ETNK1: variants seen among roughly 807,000 people sequenced by gnomAD.
ETNK1 encodes putative protein product of Nbla10396.
A neutral mutation model predicts 45.1 loss-of-function variants in ETNK1; 8 were observed. The ratio of observed to expected loss-of-function variants is 0.18; its 90% confidence interval spans 0.10 to 0.32. The LOEUF is 0.32. Ranked by LOEUF, ETNK1 falls within the 10% of genes least tolerant of loss-of-function variation. The probability of loss-of-function intolerance (pLI) is 1.00; values close to 1 mark genes in which losing one functional copy is unlikely to be tolerated. For missense variants in ETNK1, 302 were observed against 430.6 expected (o/e 0.70, Z 2.64); for synonymous variants, 152 against 151.9 (o/e 1.00, Z -0.01).
chr12:22,644,382 T>A, intron 2 of ETNK1: 4 of 1,353,350 alleles, frequency 3.0e-6, no homozygotes, highest in Non-Finnish European at 3.8e-6. Context: ...TTCAGAGTTC[T>A]TGCCTATTAA....
Position 22,625,587 on chromosome 12 carries a change from G to C in ETNK1, c.156+1G>C. The C allele has an allele frequency of 6.3e-7, 1 of 1,580,768 alleles. No individual in the cohort carries two copies. The highest frequency in any genetic ancestry group is 8.6e-7 in the Non-Finnish European group (1 of 1,164,206). ...GGACCCCCAGGAGGTGACCCTGCAG[G>C]TAACGCCCACACCTCAGCTCTGGGT... On this transcript the variant is annotated splice_donor_variant, in intron 1 of 7. Coordinates refer to ENST00000266517, the MANE Select transcript of ETNK1 (RefSeq NM_018638.5). LOFTEE classifies it high-confidence loss of function.
At chr12:22,634,546 T>C (rs984677675) in intron 1 of ETNK1, among the ~76,000 whole-genome samples, 4 of 152,172 alleles carry the variant, frequency 2.6e-5, no homozygotes, top group Admixed American at 2.6e-4. Context: ...CTTTATTGTC[T>C]TCATACATTT....
chr12:22,661,089 A>G lies in ETNK1; in HGVS notation c.584A>G (p.Gln195Arg), dbSNP rs75025746. The change falls in exon 4 of 8, where the codon CAG (glutamine) becomes CGG (arginine). Residue 195 changes from glutamine to arginine, a missense_variant. Around this residue, in one of 3 missense-constraint regions of ETNK1, gnomAD observed 205 missense variants for 259.9 expected, o/e 0.79. Coordinates refer to ENST00000266517, the MANE Select transcript of ETNK1 (RefSeq NM_018638.5). ...KRFLSDIPSS[Q>R]ILQEEMTWMK... ...TTCCTAAGTGATATCCCAAGCTCTC[A>G]GATTCTCCAGGAAGAGATGACTTGG... is the stretch of plus-strand genomic sequence containing the variant. 0.02 allele frequency: 32,390 copies of G among 1,611,098 alleles called. 463 individuals carry two copies. The highest frequency in any genetic ancestry group is 0.047 in the South Asian group (4,251 of 90,380).
rs546255244 is a variant in ETNK1 at position 22,625,942 on chromosome 12, T to C, written c.156+356T>C. 55 of 534,864 alleles carry C rather than the reference T, an allele frequency of 1.0e-4. 1 individual carries two copies. Among genetic ancestry groups the C allele is most frequent in the South Asian group, 8.2e-4 (53 of 64,278 alleles). The allele number at this position is 534,864 out of a possible 1,614,324, so 33.1% of individuals were successfully genotyped here. On this transcript the variant is annotated intron_variant, in intron 1 of 7. Coordinates refer to ENST00000266517, the MANE Select transcript of ETNK1 (RefSeq NM_018638.5). ...CCACTCCCCTTGCACGGGGTCCTCG[T>C]CTACCTCCTCCCCTCCCACCAGTAA...
At chr12:22,630,622 A>G (rs865956543) in intron 1 of ETNK1, among the ~76,000 whole-genome samples, 1 of 151,622 alleles carries the variant, frequency 6.6e-6, no homozygotes, top group East Asian at 1.9e-4. Flanking sequence ...ATTTTATTTT[A>G]TTTTTTTTGA....
intron 2 of ETNK1, among the ~76,000 whole-genome samples, chr12:22,654,678 G>A (rs1482172823): frequency 6.6e-6 from 1 of 152,082 alleles, no homozygotes; most frequent in Non-Finnish European, 1.5e-5. Context: ...GGATATCTTA[G>A]TGGTTGTATT....
chr12:22,660,193 A>T (rs1332453921), intron 3 of ETNK1, among the ~76,000 whole-genome samples: 2 of 152,120 alleles, frequency 1.3e-5, no homozygotes, highest in Non-Finnish European at 2.9e-5. Flanking sequence ...AAGTAATGTA[A>T]AAAGAATCTG....
At position 22,678,207 on chromosome 12, in the gene ETNK1, T is replaced by C. The variant is rs563178687; in HGVS notation, c.945+4547T>C. On this transcript the variant is annotated intron_variant, in intron 6 of 7. Transcript: ENST00000266517. ...CATTTGAATGAATCAATAATTGTGA[T>C]TGCAATGTGAAATAAAAGGAAACCC... is the stretch of plus-strand genomic sequence containing the variant. Among the ~76,000 whole-genome samples, 6 of 152,326 alleles carry C rather than the reference T, an allele frequency of 3.9e-5. No homozygotes were observed. In the East Asian group the frequency reaches 1.2e-3, roughly 29 times the overall value.
At chr12:22,633,961 A>G (rs1338985480) in intron 1 of ETNK1, among the ~76,000 whole-genome samples, 1 of 152,066 alleles carries the variant, frequency 6.6e-6, no homozygotes, top group Admixed American at 6.6e-5. Flanking sequence ...TTACTGCACT[A>G]GTAAGGACCT....
At chr12:22,671,521 A>C (rs1355298122) in intron 5 of ETNK1, among the ~76,000 whole-genome samples, 166 bp downstream of exon 5, 2 of 152,048 alleles carry the variant, frequency 1.3e-5, no homozygotes, top group African/African-American at 4.8e-5. Flanking sequence ...AGATGACCAA[A>C]ATTTCTTCCT....
chr12:22,644,715 C>T (rs1402492622), intron 2 of ETNK1: 1 of 152,124 alleles, frequency 6.6e-6, no homozygotes, highest in Non-Finnish European at 1.5e-5. Context: ...TTTTAGAATA[C>T]AAGAATATCA....
In ETNK1 at chr12:22,633,578, C is replaced by T. The variant is rs1953611963; in HGVS notation, c.156+7992C>T. On this transcript the variant is annotated intron_variant, in intron 1 of 7. Coordinates refer to ENST00000266517, the MANE Select transcript of ETNK1 (RefSeq NM_018638.5). The stretch of plus-strand genomic sequence containing the variant: ...GTTGTAGACTCAATTTTGGGATTCC[C>T]ACAAAAGAAACTGGATAGGATTTTG... 2.0e-5 allele frequency among the ~76,000 whole-genome samples: 3 copies of T among 152,150 alleles called. No individual in the cohort carries two copies. The South Asian group carries it at 6.2e-4, about 32-fold the overall frequency.
intron 3 of ETNK1, among the ~76,000 whole-genome samples, chr12:22,659,413 A>G (rs1405315071): frequency 6.6e-6 from 1 of 152,136 alleles, no homozygotes; most frequent in Non-Finnish European, 1.5e-5. Context: ...CCACTTAAAA[A>G]TAAAGAGTTA....
rs1177877597 is a variant in ETNK1, at chr12:22,625,552, G to A, written c.122G>A (p.Arg41Gln). ...EGALSLLQHL[R>Q]PHWDPQEVTL... Reference sequence around the variant, plus strand: ...GCCCTGAGCCTCCTGCAACACCTGCGGCCTCACTGGGACCCCCAGGAGGTG... The same window carrying A: ...GCCCTGAGCCTCCTGCAACACCTGCAGCCTCACTGGGACCCCCAGGAGGTG... The change falls in exon 1 of 8, where the codon CGG (arginine) becomes CAG (glutamine). Residue 41 changes from arginine (R) to glutamine (Q), a missense_variant. By Grantham distance (43) the Arg-to-Gln change is conservative. This residue lies in a region of ETNK1 where 205 missense variants were observed against 259.9 expected (regional missense o/e 0.79). Transcript: ENST00000266517. 1.9e-6 allele frequency: 3 copies of A among 1,602,122 alleles called. No individual in the cohort carries two copies. The highest frequency in any genetic ancestry group is 1.7e-6 in the Non-Finnish European group (2 of 1,174,882).
Position 22,662,059 on chromosome 12 carries a change from C to G in ETNK1, c.700+854C>G, listed in dbSNP as rs927376169. ...TTATAGGAAACTAGTTCCCCGCACC[C>G]CCCCCCCCTTTTTTTTTCCTTTTTT... is the stretch of plus-strand genomic sequence containing the variant. On this transcript the variant is annotated intron_variant, in intron 4 of 7. Transcript: ENST00000266517. Among the ~76,000 whole-genome samples, 4 of 4,392 alleles carry G rather than the reference C, an allele frequency of 9.1e-4. No individual in the cohort carries two copies. In the Admixed American group the frequency reaches 0.03, roughly 33 times the overall value. The allele number at this position is 4,392 out of a possible 152,430, so 2.9% of individuals were successfully genotyped here.
intron 5 of ETNK1, among the ~76,000 whole-genome samples, chr12:22,671,561 G>A (rs534735215): frequency 3.2e-4 from 49 of 152,192 alleles, no homozygotes; most frequent in South Asian, 1.7e-3. Flanking sequence ...ATAGGTGGCC[G>A]GGCGCGGTGG....
chr12:22,625,567 C>A lies in ETNK1; in HGVS notation c.137C>A (p.Pro46His). Residue 46 changes from proline (P) to histidine (H), a missense_variant, in exon 1 of 8, where the codon CCC becomes CAC. This residue lies in a region of ETNK1 where 205 missense variants were observed against 259.9 expected (regional missense o/e 0.79). Transcript: ENST00000266517. ...CAACACCTGCGGCCTCACTGGGACC[C>A]CCAGGAGGTGACCCTGCAGGTAACG... ...LLQHLRPHWDPQEVTLQLFTD... is the reference protein window; with the variant it reads ...LLQHLRPHWDHQEVTLQLFTD... 1.3e-6 allele frequency: 2 copies of A among 1,595,814 alleles called. No individual in the cohort carries two copies. The highest frequency in any genetic ancestry group is 1.7e-6 in the Non-Finnish European group (2 of 1,171,518).
Position 22,659,173 on chromosome 12 carries a change from T to C in ETNK1, c.557+19T>C, listed in dbSNP as rs778162513. Reference sequence around the variant, plus strand: ...ATAAAAGGTAAAATTATTTTTACATTTGAAATTATGTTTTACATTGCTTTG... The same window carrying C: ...ATAAAAGGTAAAATTATTTTTACATCTGAAATTATGTTTTACATTGCTTTG... On this transcript the variant is annotated intron_variant, in intron 3 of 7. Coordinates refer to ENST00000266517, the MANE Select transcript of ETNK1 (RefSeq NM_018638.5). 2.5e-6 allele frequency: 4 copies of C among 1,605,106 alleles called. No individual in the cohort carries two copies. The highest frequency in any genetic ancestry group is 3.4e-6 in the Non-Finnish European group (4 of 1,174,098).
intron 1 of ETNK1, among the ~76,000 whole-genome samples, chr12:22,626,639 G>A (rs1953502616): frequency 6.6e-6 from 1 of 152,140 alleles, no homozygotes; most frequent in South Asian, 2.1e-4. Context: ...AGTGCCTAGG[G>A]CCCAGAACAG....
Sources: gnomAD v4.1 joint callset for allele counts (sites outside exome capture counted in the v4.1 genomes callset) on GRCh38, gnomAD v4.1.1 for gene constraint, gnomAD v4.1.1 regional missense constraint, MANE v1.5 for transcripts, NCBI Gene and HGNC (gene_info 2026-07-23, HGNC 2026-07-21) for gene names.